SYMPK: variants seen among roughly 807,000 people sequenced by gnomAD.
The protein encoded by SYMPK is symplekin scaffold protein, also known as symplekin.
Under a neutral mutation model 136.4 loss-of-function variants are expected in SYMPK, and 49 were observed. That is an observed-to-expected ratio of 0.36 (90% CI 0.29 to 0.46). The LOEUF (loss-of-function observed/expected upper bound fraction) is 0.46, where lower values mean the gene tolerates loss of function less well. Ranked by LOEUF, SYMPK falls within the 20% of genes least tolerant of loss-of-function variation. SYMPK has a pLI of 1.00. For missense variants in SYMPK, 1,365 were observed against 1,690.0 expected, an observed-to-expected ratio of 0.81 and a Z score of 3.37; for synonymous variants, 766 against 713.0, an observed-to-expected ratio of 1.07 and a Z score of -1.19.
Position 45,823,752 on chromosome 19 carries a change from G to C in SYMPK, c.2599+15C>G, listed in dbSNP as rs1406611475. 10 of 1,603,670 alleles carry C rather than the reference G, an allele frequency of 6.2e-6. No homozygotes were observed. Among genetic ancestry groups the C allele is most frequent in the African/African-American group, 2.7e-5 (2 of 74,680 alleles). On this transcript the variant is annotated intron_variant, in intron 19 of 26. Coordinates refer to ENST00000245934, the MANE Select transcript of SYMPK (RefSeq NM_004819.3). ...AGGGAGGAAAGCCATGAAAGGTGGG[G>C]GTCTCCAGGGTCACCTTTGTCTGTG... is the stretch of plus-strand genomic sequence containing the variant.
chr19:45,830,449 A>G (rs1394609190), intron 12 of SYMPK: 1 of 486,958 alleles, frequency 2.1e-6, no homozygotes, highest in Non-Finnish European at 3.8e-6. Flanking sequence ...ATCTGAACGG[A>G]GGCAGGGACA....
At chr19:45,840,130 T>C (rs567518620) in intron 9 of SYMPK, among the ~76,000 whole-genome samples, 2 of 151,482 alleles carry the variant, frequency 1.3e-5, no homozygotes, top group South Asian at 4.2e-4. Flanking sequence ...CTGGCCAACA[T>C]GGTGAAACCC....
Position 45,830,459 on chromosome 19 carries a change from A to G in SYMPK, c.1599-255T>C, listed in dbSNP as rs1971141654. On this transcript the variant is annotated intron_variant, in intron 12 of 26. Coordinates refer to ENST00000245934, the MANE Select transcript of SYMPK (RefSeq NM_004819.3). ...TGGGGATCTGAACGGAGGCAGGGAC[A>G]AGATACACAAATGTCTGGGGGACCA... The G allele has an allele frequency of 3.1e-5, 14 of 453,258 alleles. No individual in the cohort carries two copies. The South Asian group carries it at 3.9e-4, about 13-fold the overall frequency. The allele number at this position is 453,258 out of a possible 1,614,324, so 28.1% of individuals were successfully genotyped here.
intron 14 of SYMPK, chr19:45,828,558 T>G (rs945151752): frequency 4.8e-6 from 1 of 207,812 alleles, no homozygotes; most frequent in African/African-American, 2.3e-5. Context: ...CTGGAGCTGC[T>G]GTGTGGAGGA....
chr19:45,861,736 CAAA>C (rs34560122), intron 1 of SYMPK, among the ~76,000 whole-genome samples: 12 of 119,022 alleles, frequency 1.0e-4, no homozygotes, highest in East Asian at 2.4e-4. Context: ...GACTCTGTCT[CAAA>C]AAAAAAAAAA....
chr19:45,815,502 C>T lies in SYMPK; in HGVS notation c.*58G>A. On this transcript the variant is annotated 3_prime_UTR_variant, in exon 27 of 27. Transcript: ENST00000245934. ...AAGGCAAAGCACCCGCAGGTCAAGCCCCGCCCCGTCCCCCAGCCCCGAGTC... is the reference window on the plus strand; with the variant it reads ...AAGGCAAAGCACCCGCAGGTCAAGCTCCGCCCCGTCCCCCAGCCCCGAGTC... 9.7e-7 allele frequency: 1 copy of T among 1,032,440 alleles called. No individual in the cohort carries two copies. 64.0% of individuals were successfully genotyped at this position (1,032,440 alleles called of 1,614,324 possible).
chr19:45,827,469 C>T, intron 16 of SYMPK, 41 bp downstream of exon 16: 1 of 1,495,194 alleles, frequency 6.7e-7, no homozygotes, highest in Non-Finnish European at 9.3e-7. Context: ...CCTCTGCAAG[C>T]TGCAGGCTGA....
chr19:45,853,752 GC>G, intron 3 of SYMPK, among the ~76,000 whole-genome samples: 1 of 151,778 alleles, frequency 6.6e-6, no homozygotes, highest in Non-Finnish European at 1.5e-5. Flanking sequence ...GGCTCCCAGA[GC>G]CCCCCTGGGC....
At position 45,823,798 on chromosome 19, in the gene SYMPK, G is replaced by A; in HGVS notation, c.2568C>T (p.Val856=). The change falls in exon 19 of 27, where the codon GTC becomes GTT. Residue 856 remains valine (V), a synonymous_variant. Coordinates refer to ENST00000245934, the MANE Select transcript of SYMPK (RefSeq NM_004819.3). The stretch of plus-strand genomic sequence containing the variant: ...CTGTGAGGCTGTGCAGACATCTCGT[G>A]ACCAGTGTCTCTGCTCCCTTGGGAC... ...ENCPKGAETL[V]TRCLHSLTDK... is the part of the protein sequence containing the mutation. 6.2e-7 allele frequency: 1 copy of A among 1,614,094 alleles called. No individual in the cohort carries two copies. The highest frequency in any genetic ancestry group is 8.5e-7 in the Non-Finnish European group (1 of 1,179,990).
Position 45,841,294 on chromosome 19 carries a change from C to CA in SYMPK, c.1087+955dup, listed in dbSNP as rs1555795500. On this transcript the variant is annotated intron_variant, in intron 9 of 26. Transcript: ENST00000245934. ...CCACTGTGCCTGGCAATTCCCCCCC[C>CA]ACCTTTTTTTTTTTTGAGACAGAGT... is the stretch of plus-strand genomic sequence containing the variant. Among the ~76,000 whole-genome samples, 8 of 145,980 alleles carry CA rather than the reference C, an allele frequency of 5.5e-5. No individual in the cohort carries two copies. The East Asian group carries it at 6.3e-4, about 11-fold the overall frequency.
chr19:45,830,011 T>G (rs1273642815), intron 13 of SYMPK, 43 bp downstream of exon 13: 10 of 1,521,244 alleles, frequency 6.6e-6, no homozygotes, highest in East Asian at 5.0e-5. Flanking sequence ...GACGTTTGGG[T>G]AGAGGGACTG....
intron 1 of SYMPK, among the ~76,000 whole-genome samples, chr19:45,858,881 T>A (rs1217226711): frequency 6.6e-6 from 1 of 152,130 alleles, no homozygotes; most frequent in East Asian, 1.9e-4. Flanking sequence ...TCCATAGCAT[T>A]TATCATCATC....
In SYMPK at chr19:45,816,502, G is replaced by T; in HGVS notation, c.3334C>A (p.Pro1112Thr). Residue 1112 changes from proline (P) to threonine (T), a missense_variant, in exon 25 of 27, where the codon CCT becomes ACT. Pro to Thr is a conservative substitution (Grantham distance 38, BLOSUM62 -1). Transcript: ENST00000245934. ...GKQEPEAKEA[P>T]AGPLEEDDLE... ...CTCACCTCCTCCAAGGGCCCCGCAGGCGCCTCCTTGGCCTCTGGCTCCTGC... is the reference window on the plus strand; with the variant it reads ...CTCACCTCCTCCAAGGGCCCCGCAGTCGCCTCCTTGGCCTCTGGCTCCTGC... 6.2e-7 allele frequency: 1 copy of T among 1,613,202 alleles called. No homozygotes were observed.
chr19:45,827,457 G>A (rs1463841909), intron 16 of SYMPK, 53 bp downstream of exon 16: 25 of 1,322,588 alleles, frequency 1.9e-5, no homozygotes, highest in South Asian at 5.9e-5. Flanking sequence ...GGATAGAGGC[G>A]GCCTCTGCAA....
intron 5 of SYMPK, among the ~76,000 whole-genome samples, chr19:45,850,956 T>C (rs368235040): frequency 1.7e-4 from 26 of 152,048 alleles, no homozygotes; most frequent in African/African-American, 5.8e-4. Flanking sequence ...GGTGGCAACC[T>C]GGGGACGAGG....
chr19:45,829,969 C>T lies in SYMPK; in HGVS notation c.1749+85G>A, dbSNP rs149291013. Reference sequence around the variant, plus strand: ...GGTCCGCAGCCAGGGAGGTTTGACGCCAGGGCCAGACTCTTCGCTGGATGT... The same window carrying T: ...GGTCCGCAGCCAGGGAGGTTTGACGTCAGGGCCAGACTCTTCGCTGGATGT... On this transcript the variant is annotated intron_variant, in intron 13 of 26. Transcript: ENST00000245934. 4.4e-4 allele frequency: 643 copies of T among 1,449,470 alleles called. 5 individuals carry two copies. The African/African-American group carries it at 8.3e-3, about 19-fold the overall frequency. 89.8% of individuals were successfully genotyped at this position (1,449,470 alleles called of 1,614,324 possible).
chr19:45,827,365 A>G, intron 16 of SYMPK, 145 bp downstream of exon 16: 1 of 592,374 alleles, frequency 1.7e-6, no homozygotes, highest in South Asian at 2.0e-5. Context: ...AACAGACAGA[A>G]ATAGCCAAAA....
At chr19:45,848,969 C>T (rs1971631142) in intron 5 of SYMPK, 93 bp from the exon 6 acceptor site, 1 of 1,502,154 alleles carries the variant, frequency 6.7e-7, no homozygotes. Flanking sequence ...AAATCAGGGA[C>T]CTGTCTCAGG....
rs761948200 is a variant in SYMPK at position 45,816,930 on chromosome 19, G to A, written c.3126C>T (p.Cys1042=). The change falls in exon 24 of 27, where the codon TGC becomes TGT. Residue 1042 remains cysteine (C), a synonymous_variant. Coordinates refer to ENST00000245934, the MANE Select transcript of SYMPK (RefSeq NM_004819.3). ...GGAAGCTCTGGGGCTTTGTGCGCTGGCAGCACTTGATGAAGCCCTCCCACA... is the reference window on the plus strand; with the variant it reads ...GGAAGCTCTGGGGCTTTGTGCGCTGACAGCACTTGATGAAGCCCTCCCACA... ...PKVWEGFIKC[C]QRTKPQSFQV... The A allele has an allele frequency of 5.8e-6, 9 of 1,560,430 alleles. No individual in the cohort carries two copies. In the East Asian group the frequency reaches 1.7e-4, roughly 29 times the overall value.
Sources: gnomAD v4.1 joint callset for allele counts (sites outside exome capture counted in the v4.1 genomes callset) on GRCh38, gnomAD v4.1.1 for gene constraint, MANE v1.5 for transcripts, NCBI Gene and HGNC (gene_info 2026-07-23, HGNC 2026-07-21) for gene names.